Variants in HTR4 observed in about 807,000 individuals in gnomAD.
HTR4 encodes 5-hydroxytryptamine receptor 4, also known as 5-hydroxytryptamine (serotonin) receptor 4, G protein-coupled.
A neutral mutation model predicts 36.8 loss-of-function variants in HTR4; 16 were observed. That is an observed-to-expected ratio of 0.43 (90% CI 0.29 to 0.66). The LOEUF (loss-of-function observed/expected upper bound fraction) is 0.66. Among genes scored for constraint, HTR4 ranks in the 30% least tolerant of loss-of-function variants. HTR4 has a pLI of 0.13. For synonymous variants in HTR4, 189 were observed against 185.1 expected (o/e 1.02, Z -0.17); for missense variants, 438 against 490.9 (o/e 0.89, Z 1.02).
intron 2 of HTR4, among the ~76,000 whole-genome samples, chr5:148,570,832 GGGTTTT>G (rs1407023102): frequency 7.1e-6 from 1 of 141,486 alleles, no homozygotes; most frequent in East Asian, 2.1e-4. Flanking sequence ...ATGTGTGTGT[GGGTTTT>G]TGTTTTTGTT....
At chr5:148,532,048 G>T (rs1758591604) in intron 4 of HTR4, among the ~76,000 whole-genome samples, 1 of 152,154 alleles carries the variant, frequency 6.6e-6, no homozygotes, top group Non-Finnish European at 1.5e-5. Flanking sequence ...GAGGACCCCT[G>T]GTTTAGATGA....
At position 148,614,818 on chromosome 5, in the gene HTR4, T is replaced by C. The variant is rs1203929926; in HGVS notation, c.26+22171A>G. On this transcript the variant is annotated intron_variant, in intron 2 of 6. Coordinates refer to ENST00000377888, the MANE Select transcript of HTR4 (RefSeq NM_000870.7). ...GCTAATATCCAGAATCTACAATGAATTCAAACAAATTTACAAGAAAAAGCA... is the reference window on the plus strand; with the variant it reads ...GCTAATATCCAGAATCTACAATGAACTCAAACAAATTTACAAGAAAAAGCA... Among the ~76,000 whole-genome samples, 6 of 151,936 alleles carry C rather than the reference T, an allele frequency of 3.9e-5. No individual in the cohort carries two copies. The South Asian group carries it at 8.3e-4, about 21-fold the overall frequency.
chr5:148,465,212 C>T (rs1326575135), intron 5 of HTR4, among the ~76,000 whole-genome samples: 1 of 151,984 alleles, frequency 6.6e-6, no homozygotes, highest in Non-Finnish European at 1.5e-5. Context: ...TAAGAATGAA[C>T]TCTAATGTAA....
chr5:148,536,066 G>T (rs1203863032), intron 4 of HTR4, among the ~76,000 whole-genome samples: 1 of 152,050 alleles, frequency 6.6e-6, no homozygotes, highest in Non-Finnish European at 1.5e-5. Flanking sequence ...AGACCAGAAA[G>T]AATCGTAGTC....
chr5:148,465,828 C>A (rs1755412144), intron 5 of HTR4: 11 of 1,603,364 alleles, frequency 6.9e-6, no homozygotes, highest in Middle Eastern at 1.7e-4. Flanking sequence ...GACAGACTCA[C>A]AACAGACAGT....
chr5:148,627,977 C>A (rs569032887), intron 2 of HTR4, among the ~76,000 whole-genome samples: 2 of 152,210 alleles, frequency 1.3e-5, no homozygotes, highest in African/African-American at 4.8e-5. Context: ...AACAACTGTA[C>A]GCTGTGGCTA....
chr5:148,589,792 T>A (rs964104529), intron 2 of HTR4, among the ~76,000 whole-genome samples: 6 of 152,112 alleles, frequency 3.9e-5, no homozygotes, highest in Non-Finnish European at 5.9e-5. Flanking sequence ...TACACATTTT[T>A]AAAAAATTAA....
At chr5:148,606,785 T>C (rs914610736) in intron 2 of HTR4, among the ~76,000 whole-genome samples, 1 of 152,220 alleles carries the variant, frequency 6.6e-6, no homozygotes, top group Non-Finnish European at 1.5e-5. Flanking sequence ...CCATTGTTCT[T>C]TGATATATAA....
intron 2 of HTR4, 97 bp downstream of exon 2, chr5:148,636,892 C>A: frequency 2.8e-6 from 2 of 726,980 alleles, no homozygotes; most frequent in South Asian, 1.9e-5. Flanking sequence ...AAATCCACAT[C>A]CATTAACTTT....
chr5:148,642,538 C>T lies in HTR4; in HGVS notation c.-47-5477G>A, dbSNP rs531060670. On this transcript the variant is annotated intron_variant, in intron 1 of 6. Coordinates refer to ENST00000377888, the MANE Select transcript of HTR4 (RefSeq NM_000870.7). Reference sequence around the variant, plus strand: ...AAAGGCTTGTTGTTGACTTTGTCACCTCACTGCTATAACCTACTACCCGCC... The same window carrying T: ...AAAGGCTTGTTGTTGACTTTGTCACTTCACTGCTATAACCTACTACCCGCC... Among the ~76,000 whole-genome samples, 9 of 152,222 alleles carry T rather than the reference C, an allele frequency of 5.9e-5. No homozygotes were observed. The South Asian group carries it at 1.2e-3, about 21-fold the overall frequency.
At chr5:148,595,238 T>G (rs998069187) in intron 2 of HTR4, among the ~76,000 whole-genome samples, 8 of 152,290 alleles carry the variant, frequency 5.3e-5, no homozygotes, top group Non-Finnish European at 1.2e-4. Flanking sequence ...AGAGAGTCAG[T>G]GTTGAAGTCA....
intron 2 of HTR4, among the ~76,000 whole-genome samples, chr5:148,619,404 T>G (rs984642276): frequency 6.6e-6 from 1 of 152,166 alleles, no homozygotes; most frequent in Admixed American, 6.5e-5. Context: ...TAAATATATT[T>G]TTTTCTGACC....
intron 5 of HTR4, among the ~76,000 whole-genome samples, chr5:148,458,158 TA>T (rs1205773028): frequency 6.9e-6 from 1 of 144,458 alleles, no homozygotes; most frequent in African/African-American, 2.5e-5. Context: ...AATATATCAT[TA>T]AAATATATTA....
chr5:148,475,970 T>C (rs940467097), downstream of HTR4, among the ~76,000 whole-genome samples: 1 of 152,262 alleles, frequency 6.6e-6, no homozygotes, highest in Non-Finnish European at 1.5e-5. Context: ...TCTCAACTTA[T>C]GTCCATGTAA....
downstream of HTR4, among the ~76,000 whole-genome samples, chr5:148,478,452 C>G (rs1755769019): frequency 6.6e-6 from 1 of 152,102 alleles, no homozygotes; most frequent in African/African-American, 2.4e-5. Flanking sequence ...AGTGTGCTTT[C>G]TGAATGGAGG....
chr5:148,515,610 A>G (rs1757708317), intron 5 of HTR4, among the ~76,000 whole-genome samples: 1 of 152,098 alleles, frequency 6.6e-6, no homozygotes. Context: ...TAGAATTCTA[A>G]GTTGTAGATT....
At chr5:148,453,014 C>G (rs1755010906) in intron 5 of HTR4, among the ~76,000 whole-genome samples, 2 of 152,310 alleles carry the variant, frequency 1.3e-5, no homozygotes, top group South Asian at 4.1e-4. Flanking sequence ...TTGTGCAGCT[C>G]CATGAACACA....
chr5:148,536,417 C>T (rs1378885173), intron 4 of HTR4, among the ~76,000 whole-genome samples: 1 of 151,838 alleles, frequency 6.6e-6, no homozygotes, highest in Non-Finnish European at 1.5e-5. Flanking sequence ...GATTAAATGC[C>T]TCACTTAAAA....
chr5:148,568,679 G>A (rs1407679011), intron 2 of HTR4, among the ~76,000 whole-genome samples: 1 of 152,090 alleles, frequency 6.6e-6, no homozygotes, highest in Non-Finnish European at 1.5e-5. Flanking sequence ...AATTGACAAG[G>A]GTGTGCTGAA....
Sources: gnomAD v4.1 joint callset for allele counts (sites outside exome capture counted in the v4.1 genomes callset) on GRCh38, gnomAD v4.1.1 for gene constraint, MANE v1.5 for transcripts, NCBI Gene and HGNC (gene_info 2026-07-23, HGNC 2026-07-21) for gene names.